Variants in CPLANE1 observed in about 807,000 individuals in gnomAD.
CPLANE1 encodes the protein ciliogenesis and planar polarity effector 1.
A neutral mutation model predicts 362.5 loss-of-function variants in CPLANE1; 263 were observed. The ratio of observed to expected loss-of-function variants is 0.73; its 90% CI spans 0.66 to 0.80. The LOEUF is 0.80. Among genes scored for constraint, CPLANE1 ranks in the 30% least tolerant of loss-of-function variants. CPLANE1 has a pLI of 0.00. For missense variants in CPLANE1, 3,461 were observed against 3,793.4 expected, an observed-to-expected ratio of 0.91 and a Z score of 2.30; for synonymous variants, 1,212 against 1,302.6, an observed-to-expected ratio of 0.93 and a Z score of 1.50.
chr5:37,180,203 T>C lies in CPLANE1; in HGVS notation c.5571-20A>G. 7.0e-7 allele frequency: 1 copy of C among 1,424,048 alleles called. No homozygotes were observed. The highest frequency in any genetic ancestry group is 1.6e-5 in the South Asian group (1 of 62,214). The allele number at this position is 1,424,048 out of a possible 1,614,324, so 88.2% of individuals were successfully genotyped here. ...ATTCTACTGAAAAAAATGCAGCAAC[T>C]AAAATTACAACTATTCTTGGAGATA... On this transcript the variant is annotated intron_variant, in intron 27 of 52. Transcript: ENST00000651892.
chr5:37,087,795 AG>A, the CPLANE1 span, among the ~76,000 whole-genome samples: 7 of 152,294 alleles, frequency 4.6e-5, no homozygotes, highest in East Asian at 1.4e-3. Flanking sequence ...GCCAAGAAAA[AG>A]CGTTAAAGAA....
chr5:37,189,668 A>G (rs561636762), intron 21 of CPLANE1, among the ~76,000 whole-genome samples: 3 of 152,308 alleles, frequency 2.0e-5, no homozygotes, highest in Admixed American at 1.3e-4. Context: ...GTGAGTCTCA[A>G]TCATCTTTTT....
rs760352781 is a variant in CPLANE1, at chr5:37,201,582, T to C, written c.3507+9A>G. 1.9e-6 allele frequency: 3 copies of C among 1,601,506 alleles called. No homozygotes were observed. Among genetic ancestry groups the C allele is most frequent in the South Asian group, 1.1e-5 (1 of 89,918 alleles). On this transcript the variant is annotated intron_variant, in intron 19 of 52. Coordinates refer to ENST00000651892, the MANE Select transcript of CPLANE1 (RefSeq NM_001384732.1). Reference sequence around the variant, plus strand: ...TAAATTAATTTAAAAGTTAATGCTATAAGCTTACTTCACTAAGAATAGCTG... The same window carrying C: ...TAAATTAATTTAAAAGTTAATGCTACAAGCTTACTTCACTAAGAATAGCTG...
At chr5:37,177,835 A>G in intron 29 of CPLANE1, 135 bp from the exon 30 acceptor site, 1 of 683,196 alleles carries the variant, frequency 1.5e-6, no homozygotes, top group South Asian at 1.8e-5. Flanking sequence ...ATCAAACAGT[A>G]AAATGTACTC....
chr5:37,086,196 G>A, the CPLANE1 span, among the ~76,000 whole-genome samples: 1 of 152,138 alleles, frequency 6.6e-6, no homozygotes, highest in Admixed American at 6.5e-5. Context: ...TGGAACAAAT[G>A]GACTTAGAGA....
intron 8 of CPLANE1, among the ~76,000 whole-genome samples, chr5:37,234,703 C>T (rs375965747): frequency 6.6e-6 from 1 of 152,162 alleles, no homozygotes; most frequent in African/African-American, 2.4e-5. Flanking sequence ...CAGTGATCCC[C>T]ATGCAAATAC....
chr5:37,137,425 CA>C (rs1367180775), intron 46 of CPLANE1, among the ~76,000 whole-genome samples: 2 of 152,210 alleles, frequency 1.3e-5, no homozygotes, highest in Non-Finnish European at 2.9e-5. Context: ...CTGAGTCCTA[CA>C]AACTGTTCCA....
At chr5:37,165,440 G>A (rs983005661) in intron 36 of CPLANE1, 99 bp downstream of exon 36, 14 of 1,182,720 alleles carry the variant, frequency 1.2e-5, no homozygotes, top group Non-Finnish European at 1.7e-5. Flanking sequence ...CCTAGTCACA[G>A]TCAGAAGCTC....
At chr5:37,098,815 T>C in the CPLANE1 span, among the ~76,000 whole-genome samples, 1 of 140,502 alleles carries the variant, frequency 7.1e-6, no homozygotes, top group Non-Finnish European at 1.5e-5. Flanking sequence ...AGAAGGAAAT[T>C]AAGAAATTTA....
intron 51 of CPLANE1, among the ~76,000 whole-genome samples, chr5:37,109,867 G>A (rs1758622575): frequency 6.6e-6 from 1 of 152,092 alleles, no homozygotes; most frequent in South Asian, 2.1e-4. Flanking sequence ...ATATTGGCCA[G>A]GCTGGTTTGG....
chr5:37,177,127 T>C (rs1211443365), intron 30 of CPLANE1, among the ~76,000 whole-genome samples: 2 of 152,210 alleles, frequency 1.3e-5, no homozygotes, highest in African/African-American at 4.8e-5. Flanking sequence ...TTAGAAATCA[T>C]GTCCAAACTG....
intron 43 of CPLANE1, among the ~76,000 whole-genome samples, chr5:37,147,428 C>A (rs1198520034): frequency 6.6e-6 from 1 of 152,150 alleles, no homozygotes; most frequent in Non-Finnish European, 1.5e-5. Flanking sequence ...ATGCGAACTA[C>A]AAACTATGTA....
chr5:37,145,044 G>T (rs953601966), intron 43 of CPLANE1, among the ~76,000 whole-genome samples: 1 of 151,966 alleles, frequency 6.6e-6, no homozygotes, highest in Non-Finnish European at 1.5e-5. Flanking sequence ...GGTGGCTCAC[G>T]CCTGTAATCC....
chr5:37,080,925 T>C, the CPLANE1 span, among the ~76,000 whole-genome samples: 1 of 152,240 alleles, frequency 6.6e-6, no homozygotes, highest in Non-Finnish European at 1.5e-5. Context: ...TCAAGATGAT[T>C]ATCTTTGAAC....
chr5:37,089,097 T>A, the CPLANE1 span, among the ~76,000 whole-genome samples: 1 of 151,964 alleles, frequency 6.6e-6, no homozygotes, highest in African/African-American at 2.4e-5. Context: ...CAAGGACCCA[T>A]GAAGAAATTG....
At chr5:37,077,786 A>G in the CPLANE1 span, among the ~76,000 whole-genome samples, 1 of 151,076 alleles carries the variant, frequency 6.6e-6, no homozygotes, top group East Asian at 1.9e-4. Flanking sequence ...GCTAATTTTT[A>G]AATTTTTTTT....
intron 51 of CPLANE1, among the ~76,000 whole-genome samples, chr5:37,110,011 G>A (rs964370660): frequency 6.6e-6 from 1 of 151,978 alleles, no homozygotes; most frequent in Non-Finnish European, 1.5e-5. Context: ...TCCTAATTTT[G>A]TCTATCTTCA....
rs1787259400 is a variant in CPLANE1, at chr5:37,195,857, C to A, written c.3811+1G>T. The A allele has an allele frequency of 5.0e-6, 8 of 1,604,602 alleles. No individual in the cohort carries two copies. The highest frequency in any genetic ancestry group is 6.8e-6 in the Non-Finnish European group (8 of 1,177,290). ...AAGCAAGCAGTTCATTTTGGACAAACCTATTGCTCTAATGGAAACTTCATC... is the reference window on the plus strand; with the variant it reads ...AAGCAAGCAGTTCATTTTGGACAAAACTATTGCTCTAATGGAAACTTCATC... On this transcript the variant is annotated splice_donor_variant, in intron 21 of 52. Coordinates refer to ENST00000651892, the MANE Select transcript of CPLANE1 (RefSeq NM_001384732.1). LOFTEE classifies it high-confidence loss of function.
chr5:37,239,145 A>G (rs1284488541), intron 7 of CPLANE1, among the ~76,000 whole-genome samples, 185 bp from the exon 8 acceptor site: 1 of 152,214 alleles, frequency 6.6e-6, no homozygotes, highest in Non-Finnish European at 1.5e-5. Flanking sequence ...TAAAAACATT[A>G]GTTACCACAA....
Sources: gnomAD v4.1 joint callset for allele counts (sites outside exome capture counted in the v4.1 genomes callset) on GRCh38, gnomAD v4.1.1 for gene constraint, MANE v1.5 for transcripts, NCBI Gene and HGNC (gene_info 2026-07-23, HGNC 2026-07-21) for gene names.